Variants in TSPAN15 observed in about 807,000 individuals in gnomAD.
The protein encoded by TSPAN15 is tetraspanin-15.
A neutral mutation model predicts 34.5 loss-of-function variants in TSPAN15; 20 were observed. That is an observed-to-expected ratio of 0.58 (90% CI 0.41 to 0.84). TSPAN15 has a LOEUF of 0.84. TSPAN15 is among the 40% of genes least tolerant of loss of function. The pLI, the probability that TSPAN15 is intolerant of heterozygous loss-of-function variation, is 0.00. For missense variants in TSPAN15, 313 were observed against 386.1 expected (o/e 0.81, Z 1.59); for synonymous variants, 155 against 153.9 (o/e 1.01, Z -0.05).
chr10:69,518,101 C>A, the TSPAN15 span, among the ~76,000 whole-genome samples: 1 of 152,184 alleles, frequency 6.6e-6, no homozygotes, highest in African/African-American at 2.4e-5. Context: ...ACAGAGAATA[C>A]TTCTATTAGA....
the TSPAN15 span, among the ~76,000 whole-genome samples, chr10:69,516,691 T>C: frequency 3.3e-5 from 5 of 152,186 alleles, no homozygotes; most frequent in African/African-American, 1.2e-4. Context: ...CCCCCAGCAC[T>C]TGCCCTTGCA....
chr10:69,465,549 T>A (rs935576999), intron 1 of TSPAN15, among the ~76,000 whole-genome samples: 1 of 152,188 alleles, frequency 6.6e-6, no homozygotes, highest in African/African-American at 2.4e-5. Flanking sequence ...TGTGCCAGGC[T>A]CTGGGCTGAG....
chr10:69,477,391 A>G (rs1589635716), intron 1 of TSPAN15, among the ~76,000 whole-genome samples: 2 of 152,202 alleles, frequency 1.3e-5, no homozygotes, highest in African/African-American at 4.8e-5. Context: ...GGGATTACAG[A>G]CATGAGCCAC....
chr10:69,451,734 C>T, intron 1 of TSPAN15, 44 bp downstream of exon 1: 1 of 1,379,082 alleles, frequency 7.3e-7, no homozygotes, highest in Non-Finnish European at 9.5e-7. Context: ...TGGGGACCCA[C>T]AATCCGGCCG....
chr10:69,478,679 A>C (rs1841667877), intron 1 of TSPAN15, among the ~76,000 whole-genome samples: 1 of 152,314 alleles, frequency 6.6e-6, no homozygotes, highest in Middle Eastern at 3.4e-3. Flanking sequence ...CAAGATATTT[A>C]AATGCATAAA....
chr10:69,539,366 C>T, the TSPAN15 span, among the ~76,000 whole-genome samples: 1 of 99,920 alleles, frequency 1.0e-5, no homozygotes, highest in African/African-American at 3.7e-5. Context: ...ATTCATGTAA[C>T]AAAAAAAATA....
chr10:69,508,438 C>T (rs1842379241), downstream of TSPAN15, among the ~76,000 whole-genome samples: 1 of 40,154 alleles, frequency 2.5e-5, no homozygotes, highest in African/African-American at 1.0e-4. Context: ...GAGACTCCAT[C>T]TCAAAAAAAA....
At position 69,507,313 on chromosome 10, in the gene TSPAN15, C is replaced by T. The variant is rs548985244; in HGVS notation, c.*335C>T. The T allele has an allele frequency of 2.8e-5, 35 of 1,244,454 alleles. No homozygotes were observed. Among genetic ancestry groups the T allele is most frequent in the East Asian group, 4.7e-5 (1 of 21,212 alleles). 77.1% of individuals were successfully genotyped at this position (1,244,454 alleles called of 1,614,324 possible). On this transcript the variant is annotated 3_prime_UTR_variant, in exon 8 of 8. Coordinates refer to ENST00000373290, the MANE Select transcript of TSPAN15 (RefSeq NM_012339.5). Reference sequence around the variant, plus strand: ...CATTTCATCTCTGGCAGTGCCTTGGCGGTGGTATTCAAGGCAGTTTTGTAG... The same window carrying T: ...CATTTCATCTCTGGCAGTGCCTTGGTGGTGGTATTCAAGGCAGTTTTGTAG...
chr10:69,513,939 G>T, the TSPAN15 span, among the ~76,000 whole-genome samples: 2 of 152,210 alleles, frequency 1.3e-5, no homozygotes, highest in African/African-American at 4.8e-5. Flanking sequence ...GGTCAATGTT[G>T]TATAGCAAAT....
At chr10:69,515,226 A>C in the TSPAN15 span, among the ~76,000 whole-genome samples, 1 of 151,962 alleles carries the variant, frequency 6.6e-6, no homozygotes, top group East Asian at 1.9e-4. Context: ...TGCTTTCCCA[A>C]CCTCTTAGCA....
intron 1 of TSPAN15, among the ~76,000 whole-genome samples, chr10:69,467,274 T>G (rs1841404492): frequency 6.6e-6 from 1 of 152,168 alleles, no homozygotes. Context: ...CAGCCTGTAT[T>G]TAGCTCCAAG....
chr10:69,469,678 G>A (rs1841465074), intron 1 of TSPAN15, among the ~76,000 whole-genome samples: 1 of 152,144 alleles, frequency 6.6e-6, no homozygotes, highest in African/African-American at 2.4e-5. Context: ...AAATAGCTGG[G>A]ACAACAGGTG....
intron 3 of TSPAN15, chr10:69,494,884 T>C: frequency 1.0e-6 from 1 of 984,388 alleles, no homozygotes; most frequent in Non-Finnish European, 1.2e-6. Flanking sequence ...TTTGTGCTTC[T>C]GGGTCTCAGC....
chr10:69,539,496 GAAGAA>G, the TSPAN15 span, among the ~76,000 whole-genome samples: 123 of 73,060 alleles, frequency 1.7e-3, no homozygotes, highest in Middle Eastern at 6.3e-3. Context: ...AGAAGAAGAA[GAAGAA>G]GAAGAAGAAG....
chr10:69,508,599 G>A, downstream of TSPAN15, among the ~76,000 whole-genome samples: 1 of 152,210 alleles, frequency 6.6e-6, no homozygotes, highest in East Asian at 1.9e-4. Flanking sequence ...TGTAAGAAGG[G>A]GCAGGAGGAG....
chr10:69,505,494 G>A (rs1842305721), intron 6 of TSPAN15, among the ~76,000 whole-genome samples: 1 of 151,908 alleles, frequency 6.6e-6, no homozygotes, highest in South Asian at 2.1e-4. Flanking sequence ...ATTAAATAAT[G>A]TGTAATCATT....
the TSPAN15 span, among the ~76,000 whole-genome samples, chr10:69,547,727 G>C: frequency 6.6e-6 from 1 of 152,160 alleles, no homozygotes; most frequent in Non-Finnish European, 1.5e-5. Context: ...TGCCGAGGTA[G>C]ATTAGAGCTG....
rs535365486 is a variant in TSPAN15 at position 69,506,062 on chromosome 10, G to A, written c.619-62G>A. On this transcript the variant is annotated intron_variant, in intron 6 of 7. Transcript: ENST00000373290. This position sits in a 1 kb window ranked among gnomAD's most constrained non-coding sequence, Gnocchi z 4.7. The stretch of plus-strand genomic sequence containing the variant: ...TGGACCTTGTGTACATGGCAGAGTC[G>A]GGGCTGTGGCTCCTGCCAGCCGAGG... 57 of 1,426,058 alleles carry A rather than the reference G, an allele frequency of 4.0e-5. No individual in the cohort carries two copies. In the Admixed American group the frequency reaches 6.5e-4, roughly 16 times the overall value. The allele number at this position is 1,426,058 out of a possible 1,614,324, so 88.3% of individuals were successfully genotyped here.
intron 5 of TSPAN15, among the ~76,000 whole-genome samples, chr10:69,500,141 G>A (rs898524122): frequency 6.6e-6 from 1 of 152,192 alleles, no homozygotes; most frequent in African/African-American, 2.4e-5. Flanking sequence ...ATCTTGTCCA[G>A]GAAGGTGCTC....
Sources: gnomAD v4.1 joint callset for allele counts (sites outside exome capture counted in the v4.1 genomes callset) on GRCh38, gnomAD v4.1.1 for gene constraint, Gnocchi (gnomAD v3.1) non-coding constraint, MANE v1.5 for transcripts, NCBI Gene and HGNC (gene_info 2026-07-23, HGNC 2026-07-21) for gene names.